The following MEF2C variants were observed in gnomAD, a reference collection of about 807,000 sequenced individuals.
MEF2C encodes the protein myocyte-specific enhancer factor 2C.
Under a neutral mutation model 50.5 loss-of-function variants are expected in MEF2C, and 6 were observed. That is an observed-to-expected ratio of 0.12 (90% CI 0.07 to 0.23). The LOEUF (loss-of-function observed/expected upper bound fraction) is 0.23, where lower values mean the gene tolerates loss of function less well. Ranked by LOEUF, MEF2C falls within the 10% of genes least tolerant of loss-of-function variation. The pLI is 1.00. For missense variants in MEF2C, 276 were observed against 605.0 expected (o/e 0.46, Z 5.70); for synonymous variants, 183 against 228.0 (o/e 0.80, Z 1.78).
upstream of MEF2C, chr5:88,888,032 A>T (rs1364508461): frequency 1.3e-5 from 2 of 152,268 alleles, no homozygotes; most frequent in Admixed American, 6.5e-5. Context: ...AATTTGTCAA[A>T]TCGGGAAATG....
intron 3 of MEF2C, among the ~76,000 whole-genome samples, chr5:88,793,051 T>C (rs1263165528): frequency 6.6e-6 from 1 of 152,100 alleles, no homozygotes; most frequent in African/African-American, 2.4e-5. Flanking sequence ...CCTTGCCCTT[T>C]GGGAGTTTAG....
intron 2 of MEF2C, among the ~76,000 whole-genome samples, chr5:88,808,976 G>C (rs1801651154): frequency 6.6e-6 from 1 of 152,130 alleles, no homozygotes; most frequent in Non-Finnish European, 1.5e-5. Context: ...TAGGCAAAGA[G>C]TCTCTCTTTT....
At position 88,739,293 on chromosome 5, in the gene MEF2C, A is replaced by G. The variant is rs534374427; in HGVS notation, c.638-7392T>C. ...GCTGAACACACAGCTGGACCTCTGAAGTATCAATTTGCTGCTTTTACTTCA... is the reference window on the plus strand; with the variant it reads ...GCTGAACACACAGCTGGACCTCTGAGGTATCAATTTGCTGCTTTTACTTCA... On this transcript the variant is annotated intron_variant, in intron 6 of 10. Coordinates refer to ENST00000504921, the MANE Select transcript of MEF2C (RefSeq NM_002397.5). 2.2e-5 allele frequency: 22 copies of G among 984,240 alleles called. No individual in the cohort carries two copies. The Admixed American group carries it at 1.2e-3, about 52-fold the overall frequency. 61.0% of individuals were successfully genotyped at this position (984,240 alleles called of 1,614,324 possible).
At chr5:88,886,429 C>G (rs1239157421), upstream of MEF2C, among the ~76,000 whole-genome samples, 1 of 152,126 alleles carries the variant, frequency 6.6e-6, no homozygotes, top group African/African-American at 2.4e-5. Flanking sequence ...GTCAGGAGAC[C>G]TGGATTCTCT....
rs528556030 is a variant in MEF2C, at chr5:88,727,637, G to A, written c.1100+856C>T. On this transcript the variant is annotated intron_variant, in intron 10 of 10. Coordinates refer to ENST00000504921, the MANE Select transcript of MEF2C (RefSeq NM_002397.5). ...AAAGTAAAAGTGGGCTAGGCAGACA[G>A]AATATTTTTAAAATATAAAAGCTTG... 3.3e-5 allele frequency among the ~76,000 whole-genome samples: 5 copies of A among 152,172 alleles called. No individual in the cohort carries two copies. The South Asian group carries it at 1.0e-3, about 32-fold the overall frequency.
upstream of MEF2C, among the ~76,000 whole-genome samples, chr5:88,887,188 A>G (rs1021290733): frequency 2.0e-5 from 3 of 152,272 alleles, no homozygotes; most frequent in Non-Finnish European, 4.4e-5. Context: ...TCTAAAAAGC[A>G]GTGAAACACA....
intron 1 of MEF2C, among the ~76,000 whole-genome samples, chr5:88,890,447 C>T (rs895601491): frequency 6.6e-6 from 1 of 152,048 alleles, no homozygotes; most frequent in African/African-American, 2.4e-5. Context: ...AAACATTTAG[C>T]GGCTACCAAG....
chr5:88,722,641 A>G lies in MEF2C; in HGVS notation c.1385T>C (p.Val462Ala), dbSNP rs1194300256. 6.2e-7 allele frequency: 1 copy of G among 1,613,002 alleles called. No homozygotes were observed. The highest frequency in any genetic ancestry group is 1.7e-5 in the Admixed American group (1 of 59,960). Residue 462 changes from valine to alanine, a missense_variant, in exon 11 of 11, where the codon GTC becomes GCC. By Grantham distance (64) the Val-to-Ala change is moderately conservative (BLOSUM62 0). This residue lies in a region of MEF2C where 256 missense variants were observed against 468.1 expected (regional missense o/e 0.55). Coordinates refer to ENST00000504921, the MANE Select transcript of MEF2C (RefSeq NM_002397.5). Reference protein sequence around the residue: ...PSPDERESPSVKRMRLSEGWA... With the variant: ...PSPDERESPSAKRMRLSEGWA... ...TCCTTCAGAAAGTCGCATGCGCTTG[A>G]CTGAGGGACTTTCCCTTTCGTCCGG...
chr5:88,856,096 A>G (rs1823230953), intron 1 of MEF2C, among the ~76,000 whole-genome samples: 1 of 152,220 alleles, frequency 6.6e-6, no homozygotes, highest in East Asian at 1.9e-4. Context: ...AGGTGGTCTC[A>G]GATGGAGATG....
rs542094566 is a variant in MEF2C, at chr5:88,771,236, A to G, written c.259-9908T>C. Among the ~76,000 whole-genome samples, 16 of 152,326 alleles carry G rather than the reference A, an allele frequency of 1.1e-4. No homozygotes were observed. In the East Asian group the frequency reaches 2.9e-3, roughly 27 times the overall value. On this transcript the variant is annotated intron_variant, in intron 3 of 10. Coordinates refer to ENST00000504921, the MANE Select transcript of MEF2C (RefSeq NM_002397.5). Reference sequence around the variant, plus strand: ...ATTTGGGTCAGGATACAGCCAAACTATATCGCTGGGTTTTGGCCAAGGGGG... The same window carrying G: ...ATTTGGGTCAGGATACAGCCAAACTGTATCGCTGGGTTTTGGCCAAGGGGG...
intron 1 of MEF2C, chr5:88,903,838 A>G (rs1835907050): frequency 1.3e-5 from 2 of 151,962 alleles, no homozygotes; most frequent in Non-Finnish European, 2.9e-5. Flanking sequence ...GAACACAGGT[A>G]CCTCAGTGGT....
rs566524464 is a variant in MEF2C at position 88,832,163 on chromosome 5, T to C, written c.-142-8233A>G. ...CCATTCTATACAGCTGCAGAGGTAC[T>C]AGCGAAAAAGAATCTTTACATTTAT... On this transcript the variant is annotated intron_variant, in intron 1 of 10. Coordinates refer to ENST00000504921, the MANE Select transcript of MEF2C (RefSeq NM_002397.5). Among the ~76,000 whole-genome samples, 10 of 152,242 alleles carry C rather than the reference T, an allele frequency of 6.6e-5. No individual in the cohort carries two copies. In the South Asian group the frequency reaches 2.1e-3, roughly 31 times the overall value.
chr5:88,839,966 A>T (rs1004662527), intron 1 of MEF2C, among the ~76,000 whole-genome samples: 24 of 152,170 alleles, frequency 1.6e-4, no homozygotes, highest in African/African-American at 5.6e-4. Context: ...AAAGAGAAAA[A>T]AATCTTTTCT....
chr5:88,799,019 C>G (rs561214375), intron 3 of MEF2C, among the ~76,000 whole-genome samples: 1 of 152,316 alleles, frequency 6.6e-6, no homozygotes, highest in African/African-American at 2.4e-5. Context: ...CTGGAAGCTT[C>G]GTCCCAGAGT....
intron 3 of MEF2C, 54 bp from the exon 4 acceptor site, chr5:88,761,382 T>G (rs765125974): frequency 6.4e-7 from 1 of 1,558,400 alleles, no homozygotes; most frequent in Non-Finnish European, 8.7e-7. Flanking sequence ...TAAGAGACAT[T>G]CAGGGGCATT....
intron 1 of MEF2C, among the ~76,000 whole-genome samples, chr5:88,850,149 T>C (rs1820802651): frequency 2.0e-5 from 3 of 152,022 alleles, no homozygotes; most frequent in East Asian, 3.9e-4. Context: ...TGTGCTTTTA[T>C]TGTTCAACTT....
At chr5:88,899,989 A>C (rs1038908622) in intron 1 of MEF2C, among the ~76,000 whole-genome samples, 4 of 152,034 alleles carry the variant, frequency 2.6e-5, no homozygotes, top group African/African-American at 7.2e-5. Flanking sequence ...GCTTTACCCC[A>C]TCTCTTTTTC....
chr5:88,865,353 C>G (rs1826949782), intron 1 of MEF2C, among the ~76,000 whole-genome samples: 1 of 152,142 alleles, frequency 6.6e-6, no homozygotes, highest in African/African-American at 2.4e-5. Flanking sequence ...CTAACGAATT[C>G]TGCTTGTGAG....
intron 2 of MEF2C, among the ~76,000 whole-genome samples, chr5:88,811,301 GAGGCAAAATTAGT>G (rs1237711570): frequency 6.6e-6 from 1 of 152,090 alleles, no homozygotes; most frequent in African/African-American, 2.4e-5. Flanking sequence ...TCCATGCGAA[GAGGCAAAATTAGT>G]AAGCATTGTT....
Sources: allele counts gnomAD v4.1 joint callset (sites outside exome capture counted in the v4.1 genomes callset), GRCh38; gene constraint gnomAD v4.1.1; regional missense constraint gnomAD v4.1.1; transcripts MANE v1.5; gene names NCBI Gene and HGNC (gene_info 2026-07-23, HGNC 2026-07-21).